Variants in SLIT2 observed in about 807,000 individuals in gnomAD.
SLIT2 encodes the protein slit homolog 2 protein.
SLIT2 carries 41 observed loss-of-function variants against 185.7 expected under a neutral mutation model. The observed-to-expected ratio is 0.22, with a 90% CI of 0.17 to 0.29. The LOEUF (loss-of-function observed/expected upper bound fraction) is 0.29. Among genes scored for constraint, SLIT2 ranks in the 10% least tolerant of loss-of-function variants. The pLI, the probability that SLIT2 is intolerant of heterozygous loss-of-function variation, is 1.00. For missense variants in SLIT2, 1,571 were observed against 1,909.0 expected, an observed-to-expected ratio of 0.82 and a Z score of 3.30; for synonymous variants, 693 against 680.2, an observed-to-expected ratio of 1.02 and a Z score of -0.29.
chr4:20,320,714 A>G (rs1231514031), intron 4 of SLIT2, among the ~76,000 whole-genome samples: 1 of 152,088 alleles, frequency 6.6e-6, no homozygotes, highest in Non-Finnish European at 1.5e-5. Flanking sequence ...TAATATCACA[A>G]AGGGGTTAAG....
At chr4:20,308,117 A>G (rs1004497647) in intron 4 of SLIT2, among the ~76,000 whole-genome samples, 4 of 152,152 alleles carry the variant, frequency 2.6e-5, no homozygotes, top group Non-Finnish European at 5.9e-5. Flanking sequence ...CTGGCAAGAG[A>G]CACGCTTCAT....
At chr4:20,337,731 C>T (rs768338905) in intron 4 of SLIT2, among the ~76,000 whole-genome samples, 14 of 152,108 alleles carry the variant, frequency 9.2e-5, no homozygotes, top group Non-Finnish European at 1.6e-4. Context: ...GTTTCAGGCT[C>T]ACATATACAT....
chr4:20,572,372 A>G (rs1725683584), intron 29 of SLIT2, among the ~76,000 whole-genome samples: 1 of 152,222 alleles, frequency 6.6e-6, no homozygotes, highest in Admixed American at 6.5e-5. Context: ...AGAAAGTAGG[A>G]CTTCAGAATT....
intron 4 of SLIT2, among the ~76,000 whole-genome samples, chr4:20,295,428 C>T (rs1180147846): frequency 6.6e-6 from 1 of 152,250 alleles, no homozygotes. Context: ...ACAAAGTCGA[C>T]TTATGCTAAC....
intron 4 of SLIT2, among the ~76,000 whole-genome samples, chr4:20,395,072 A>G (rs1249727311): frequency 6.6e-6 from 1 of 152,030 alleles, no homozygotes; most frequent in Non-Finnish European, 1.5e-5. Flanking sequence ...CTTTTACTCT[A>G]AGATAAACAA....
In SLIT2 at chr4:20,406,404, TTACA is replaced by T. The variant is rs1726777728; in HGVS notation, c.396-61343_396-61340del. On this transcript the variant is annotated intron_variant, in intron 4 of 36. Coordinates refer to ENST00000504154, the MANE Select transcript of SLIT2 (RefSeq NM_004787.4). ...GTAATATATGTAACCACTGAAGGAT[TTACA>T]TACAGATTCTCTATCTTTAAAACCT... 3.5e-5 allele frequency among the ~76,000 whole-genome samples: 5 copies of T among 143,492 alleles called. 1 individual carries two copies. In the South Asian group the frequency reaches 1.2e-3, roughly 35 times the overall value. The allele number at this position is 143,492 out of a possible 152,430, so 94.1% of individuals were successfully genotyped here.
intron 4 of SLIT2, among the ~76,000 whole-genome samples, chr4:20,454,574 T>C (rs1325305125): frequency 6.6e-6 from 1 of 152,170 alleles, no homozygotes; most frequent in Non-Finnish European, 1.5e-5. Context: ...AGATTTATGA[T>C]ATTTCTCAGT....
intron 4 of SLIT2, among the ~76,000 whole-genome samples, chr4:20,378,835 A>G (rs1328922141): frequency 2.0e-5 from 3 of 152,174 alleles, no homozygotes; most frequent in Non-Finnish European, 4.4e-5. Context: ...GGAAGCAACT[A>G]ATTTACCCTT....
At chr4:20,537,800 C>G (rs1266831472) in intron 18 of SLIT2, among the ~76,000 whole-genome samples, 1 of 152,124 alleles carries the variant, frequency 6.6e-6, no homozygotes, top group African/African-American at 2.4e-5. Flanking sequence ...TTTCCATTCC[C>G]CCTAGGCTTC....
In SLIT2 at chr4:20,407,280, T is replaced by A. The variant is rs572638125; in HGVS notation, c.396-60472T>A. On this transcript the variant is annotated intron_variant, in intron 4 of 36. Transcript: ENST00000504154. ...ATGATTTGTGCACTTTTAGGTTTGT[T>A]TATTACACTGTTCTAAAATTCAACA... 5.7e-4 allele frequency among the ~76,000 whole-genome samples: 87 copies of A among 152,282 alleles called. No homozygotes were observed. The South Asian group carries it at 0.015, about 25-fold the overall frequency.
chr4:20,501,109 ATTT>A (rs901706689), intron 9 of SLIT2, among the ~76,000 whole-genome samples: 2 of 152,064 alleles, frequency 1.3e-5, no homozygotes, highest in Non-Finnish European at 2.9e-5. Context: ...ATTCATTATT[ATTT>A]TTATTTTCTT....
At chr4:20,613,368 G>T (rs2148984575) in intron 34 of SLIT2, among the ~76,000 whole-genome samples, 1 of 152,288 alleles carries the variant, frequency 6.6e-6, no homozygotes, top group South Asian at 2.1e-4. Context: ...CATGGATGGA[G>T]CTGGAGGCCA....
At chr4:20,322,292 T>C (rs1719163727) in intron 4 of SLIT2, among the ~76,000 whole-genome samples, 1 of 152,150 alleles carries the variant, frequency 6.6e-6, no homozygotes, top group African/African-American at 2.4e-5. Flanking sequence ...CAGCTTGGCT[T>C]TAGACATTTT....
At chr4:20,318,080 A>G (rs1718748170) in intron 4 of SLIT2, among the ~76,000 whole-genome samples, 1 of 152,264 alleles carries the variant, frequency 6.6e-6, no homozygotes, top group Admixed American at 6.5e-5. Flanking sequence ...TTGTTCTTAC[A>G]TCAGAAGAAT....
intron 11 of SLIT2, among the ~76,000 whole-genome samples, chr4:20,511,594 T>TTTTTTTTTTTTTTTTTTTTA (rs1173070448): frequency 8.7e-6 from 1 of 115,472 alleles, no homozygotes; most frequent in Non-Finnish European, 2.0e-5. Flanking sequence ...CTAATTTTTT[T>TTTTTTTTTTTTTTTTTTTTA]TTTTTTTTTA....
chr4:20,572,687 A>C (rs1484717945), intron 29 of SLIT2, among the ~76,000 whole-genome samples: 1 of 152,202 alleles, frequency 6.6e-6, no homozygotes, highest in Admixed American at 6.5e-5. Context: ...CCCAACAGTC[A>C]GAACCCTGGA....
chr4:20,525,346 A>G (rs1167087305), intron 15 of SLIT2, among the ~76,000 whole-genome samples, 174 bp downstream of exon 15: 1 of 98,122 alleles, frequency 1.0e-5, no homozygotes, highest in African/African-American at 4.1e-5. Context: ...CTTTGCATGC[A>G]GCTTCTGATG....
At chr4:20,507,075 G>T (rs2148820373) in intron 9 of SLIT2, among the ~76,000 whole-genome samples, 1 of 152,016 alleles carries the variant, frequency 6.6e-6, no homozygotes, top group South Asian at 2.1e-4. Context: ...CAGGTCCTTG[G>T]TACATTGCAA....
Position 20,619,206 on chromosome 4 carries a change from A to C in SLIT2, c.*197A>C. 1.8e-6 allele frequency: 1 copy of C among 543,856 alleles called. No homozygotes were observed. Among genetic ancestry groups the C allele is most frequent in the Non-Finnish European group, 3.1e-6 (1 of 323,318 alleles). 33.7% of individuals were successfully genotyped at this position (543,856 alleles called of 1,614,324 possible). On this transcript the variant is annotated 3_prime_UTR_variant, in exon 37 of 37. Transcript: ENST00000504154. Reference sequence around the variant, plus strand: ...AAATGCTTGAACTAAAGCTTCCCCTATGCTGGAGAAGTATGAAGAAAGATA... The same window carrying C: ...AAATGCTTGAACTAAAGCTTCCCCTCTGCTGGAGAAGTATGAAGAAAGATA...
Sources: gnomAD v4.1 joint callset for allele counts (sites outside exome capture counted in the v4.1 genomes callset) on GRCh38, gnomAD v4.1.1 for gene constraint, MANE v1.5 for transcripts, NCBI Gene and HGNC (gene_info 2026-07-23, HGNC 2026-07-21) for gene names.